PTPRZ1: variants seen among roughly 807,000 people sequenced by gnomAD.
PTPRZ1 encodes the protein protein tyrosine phosphatase receptor type Z1.
In PTPRZ1, 82 loss-of-function variants were observed where a neutral mutation model predicts 214.1. The observed-to-expected ratio is 0.38, with a 90% CI of 0.32 to 0.46. The LOEUF is 0.46. PTPRZ1 is among the 20% of genes least tolerant of loss of function. The probability of loss-of-function intolerance (pLI) is 1.00; values close to 1 mark genes in which losing one functional copy is unlikely to be tolerated. For synonymous variants in PTPRZ1, 945 were observed against 987.9 expected (o/e 0.96, Z 0.81); for missense variants, 2,603 against 2,748.7 (o/e 0.95, Z 1.19).
At chr7:121,894,953 A>G (rs558415509) in intron 1 of PTPRZ1, among the ~76,000 whole-genome samples, 1 of 152,226 alleles carries the variant, frequency 6.6e-6, no homozygotes, top group Non-Finnish European at 1.5e-5. Flanking sequence ...AAATGTCATC[A>G]TAGTTAGTTC....
At chr7:122,010,237 C>T in intron 11 of PTPRZ1, 97 bp from the exon 12 acceptor site, 2 of 1,234,210 alleles carry the variant, frequency 1.6e-6, no homozygotes, top group Non-Finnish European at 2.2e-6. Flanking sequence ...GAGAAGTTCC[C>T]AAGATACCAC....
intron 25 of PTPRZ1, among the ~76,000 whole-genome samples, chr7:122,053,303 G>T (rs1024980379): frequency 2.0e-5 from 3 of 152,102 alleles, no homozygotes; most frequent in Non-Finnish European, 2.9e-5. Flanking sequence ...TATTTACTAT[G>T]GCATATCTGC....
chr7:121,976,861 T>C lies in PTPRZ1; in HGVS notation c.619+10T>C, dbSNP rs1797454033. 6.2e-7 allele frequency: 1 copy of C among 1,606,944 alleles called. No individual in the cohort carries two copies. Among genetic ancestry groups the C allele is most frequent in the East Asian group, 2.2e-5 (1 of 44,618 alleles). On this transcript the variant is annotated intron_variant, in intron 6 of 29. Coordinates refer to ENST00000393386, the MANE Select transcript of PTPRZ1 (RefSeq NM_002851.3). ...AGTGTTAGTCGTTTTGGTAAGCTAC[T>C]TGGGGAACTATCTTTCTTCAGGATT... is the stretch of plus-strand genomic sequence containing the variant.
At chr7:121,988,519 T>C (rs1182764787) in intron 8 of PTPRZ1, among the ~76,000 whole-genome samples, 3 of 152,206 alleles carry the variant, frequency 2.0e-5, no homozygotes, top group African/African-American at 7.2e-5. Context: ...ACCATCATAA[T>C]CCCTGACCTG....
At chr7:121,979,216 C>T (rs1168828132) in intron 6 of PTPRZ1, among the ~76,000 whole-genome samples, 2 of 152,112 alleles carry the variant, frequency 1.3e-5, no homozygotes, top group Non-Finnish European at 2.9e-5. Context: ...CTTTCTTTCC[C>T]TCCCATCCAC....
intron 23 of PTPRZ1, among the ~76,000 whole-genome samples, chr7:122,045,627 A>T (rs559456597): frequency 1.3e-5 from 2 of 152,104 alleles, no homozygotes; most frequent in African/African-American, 4.8e-5. Context: ...TTTTCAGATA[A>T]TAAAGAAATG....
At chr7:122,058,210 TA>T (rs1274922883) in intron 27 of PTPRZ1, among the ~76,000 whole-genome samples, 1 of 151,934 alleles carries the variant, frequency 6.6e-6, no homozygotes, top group Non-Finnish European at 1.5e-5. Flanking sequence ...TACTTGTTTT[TA>T]AAAAAGGTAT....
chr7:122,059,688 A>C (rs1007416014), intron 28 of PTPRZ1, 65 bp from the exon 29 acceptor site: 97 of 1,516,600 alleles, frequency 6.4e-5, no homozygotes, highest in Non-Finnish European at 7.9e-5. Context: ...ATGCTTTGTG[A>C]GTTCTAAATG....
intron 20 of PTPRZ1, 139 bp downstream of exon 20, chr7:122,039,727 A>C: frequency 9.2e-7 from 1 of 1,082,136 alleles, no homozygotes; most frequent in Non-Finnish European, 1.3e-6. Flanking sequence ...GGCCAGGTGC[A>C]TGGCTTATGC....
chr7:121,985,764 G>A (rs1317251790), intron 8 of PTPRZ1, among the ~76,000 whole-genome samples: 1 of 152,182 alleles, frequency 6.6e-6, no homozygotes, highest in Non-Finnish European at 1.5e-5. Context: ...ACCCATAGAT[G>A]GTAAATGGTG....
At chr7:121,939,799 G>A (rs1238638514) in intron 2 of PTPRZ1, among the ~76,000 whole-genome samples, 1 of 152,122 alleles carries the variant, frequency 6.6e-6, no homozygotes, top group Non-Finnish European at 1.5e-5. Flanking sequence ...GCAAACAATA[G>A]TGATTAAGCG....
intron 2 of PTPRZ1, among the ~76,000 whole-genome samples, chr7:121,949,087 C>T (rs574915521): frequency 6.6e-6 from 1 of 151,972 alleles, no homozygotes; most frequent in African/African-American, 2.4e-5. Flanking sequence ...TCAACACACA[C>T]AAGATGAACA....
chr7:122,059,097 AT>A (rs59593536), intron 28 of PTPRZ1, among the ~76,000 whole-genome samples, 155 bp downstream of exon 28: 95,221 of 148,278 alleles, frequency 0.64, 31,769 homozygotes, highest in African/African-American at 0.88. Flanking sequence ...AACACAGAAC[AT>A]TTTTTTTTTT....
At chr7:122,020,928 C>T (rs1399764141) in intron 13 of PTPRZ1, among the ~76,000 whole-genome samples, 1 of 151,988 alleles carries the variant, frequency 6.6e-6, no homozygotes, top group African/African-American at 2.4e-5. Flanking sequence ...TTGCTTTTCT[C>T]CCCGTTCCCC....
intron 17 of PTPRZ1, among the ~76,000 whole-genome samples, chr7:122,035,250 A>G (rs1584763835): frequency 6.6e-6 from 1 of 152,274 alleles, no homozygotes. Context: ...TGTTACTATC[A>G]TGATCTCTTA....
At position 122,012,847 on chromosome 7, in the gene PTPRZ1, G is replaced by C; in HGVS notation, c.3801G>C (p.Glu1267Asp). 1 of 1,613,816 alleles carries C rather than the reference G, an allele frequency of 6.2e-7. No individual in the cohort carries two copies. Among genetic ancestry groups the C allele is most frequent in the Non-Finnish European group, 8.5e-7 (1 of 1,179,734 alleles). ...LQGLTISYAS[E>D]KYEPVLLKSE... is the part of the protein sequence containing the mutation. Reference sequence around the variant, plus strand: ...GTTTGACCATTTCCTATGCAAGTGAGAAATATGAACCAGTTTTGTTAAAAA... The same window carrying C: ...GTTTGACCATTTCCTATGCAAGTGACAAATATGAACCAGTTTTGTTAAAAA... The change falls in exon 12 of 30, where the codon GAG becomes GAC. Residue 1267 changes from glutamate to aspartate, a missense_variant. By Grantham distance (45) the Glu-to-Asp change is conservative. This residue lies in a region of PTPRZ1 where 1,913 missense variants were observed against 1,914.3 expected (regional missense o/e 1.00). Coordinates refer to ENST00000393386, the MANE Select transcript of PTPRZ1 (RefSeq NM_002851.3).
intron 3 of PTPRZ1, among the ~76,000 whole-genome samples, chr7:121,970,210 A>G (rs1338891603): frequency 1.3e-5 from 2 of 152,158 alleles, no homozygotes; most frequent in Non-Finnish European, 2.9e-5. Flanking sequence ...GTTGTTGGAC[A>G]TTTGGATTGG....
chr7:121,956,985 G>T (rs1796725802), intron 2 of PTPRZ1, among the ~76,000 whole-genome samples: 1 of 152,088 alleles, frequency 6.6e-6, no homozygotes, highest in Non-Finnish European at 1.5e-5. Context: ...ACAAAATTCT[G>T]CATTTTTATA....
Position 121,930,245 on chromosome 7 carries a change from T to C in PTPRZ1, c.124+2024T>C, listed in dbSNP as rs575935877. Among the ~76,000 whole-genome samples, 91 of 152,242 alleles carry C rather than the reference T, an allele frequency of 6.0e-4. 1 individual carries two copies. The highest frequency in any genetic ancestry group is 1.8e-3 in the African/African-American group (74 of 41,554). ...ATTGTACAGAAAGACCTACTATTAATTTACTCATTTATAATAAGGACCCAT... is the reference window on the plus strand; with the variant it reads ...ATTGTACAGAAAGACCTACTATTAACTTACTCATTTATAATAAGGACCCAT... On this transcript the variant is annotated intron_variant, in intron 2 of 29. Coordinates refer to ENST00000393386, the MANE Select transcript of PTPRZ1 (RefSeq NM_002851.3).
Sources: allele counts gnomAD v4.1 joint callset (sites outside exome capture counted in the v4.1 genomes callset), GRCh38; gene constraint gnomAD v4.1.1; regional missense constraint gnomAD v4.1.1; transcripts MANE v1.5; gene names NCBI Gene and HGNC (gene_info 2026-07-23, HGNC 2026-07-21).